GAPVD1: variants seen among roughly 807,000 people sequenced by gnomAD.
The protein encoded by GAPVD1 is GTPase-activating protein and VPS9 domain-containing protein 1.
Under a neutral mutation model 155.5 loss-of-function variants are expected in GAPVD1, and 35 were observed. The ratio of observed to expected loss-of-function variants is 0.23; its 90% CI spans 0.17 to 0.30. The LOEUF is 0.30. Among genes scored for constraint, GAPVD1 ranks in the 10% least tolerant of loss-of-function variants. The probability of loss-of-function intolerance (pLI) is 1.00; values close to 1 mark genes in which losing one functional copy is unlikely to be tolerated. For missense variants in GAPVD1, 1,429 were observed against 1,775.7 expected (o/e 0.80, Z 3.51); for synonymous variants, 636 against 619.7 (o/e 1.03, Z -0.39).
At chr9:125,338,159 G>A (rs1847308131) in intron 17 of GAPVD1, among the ~76,000 whole-genome samples, 1 of 152,226 alleles carries the variant, frequency 6.6e-6, no homozygotes. Context: ...ACAGGCATGA[G>A]CCACCGCACC....
intron 4 of GAPVD1, among the ~76,000 whole-genome samples, chr9:125,299,569 TG>T (rs1226928386): frequency 1.3e-5 from 2 of 149,526 alleles, no homozygotes; most frequent in African/African-American, 4.9e-5. Context: ...GGCAGAGAAT[TG>T]CTTGAACCCG....
intron 2 of GAPVD1, among the ~76,000 whole-genome samples, chr9:125,294,877 A>G (rs1741186903): frequency 6.6e-6 from 1 of 152,062 alleles, no homozygotes; most frequent in Admixed American, 6.6e-5. Context: ...ATAAAGTTCT[A>G]TAAAAACCAA....
At chr9:125,333,308 C>A (rs1846357707) in intron 15 of GAPVD1, among the ~76,000 whole-genome samples, 1 of 151,828 alleles carries the variant, frequency 6.6e-6, no homozygotes, top group East Asian at 1.9e-4. Context: ...TCTCGAACTC[C>A]TGACCTCGTG....
intron 2 of GAPVD1, among the ~76,000 whole-genome samples, chr9:125,269,712 T>C (rs1834573738): frequency 8.7e-6 from 1 of 114,446 alleles, no homozygotes; most frequent in African/African-American, 4.5e-5. Flanking sequence ...ATGCCTGGCT[T>C]TTTTTTTTTT....
Position 125,319,244 on chromosome 9 carries a change from T to C in GAPVD1, c.1603-2189T>C, listed in dbSNP as rs147846343. Among the ~76,000 whole-genome samples, 257 of 151,748 alleles carry C rather than the reference T, an allele frequency of 1.7e-3. 1 individual carries two copies. The highest frequency in any genetic ancestry group is 5.8e-3 in the African/African-American group (240 of 41,476). ...AAAAAATTAGCTGGGCTTGGTGGTGTGTACCTGTAGTCCCAGCTACTCAGG... is the reference window on the plus strand; with the variant it reads ...AAAAAATTAGCTGGGCTTGGTGGTGCGTACCTGTAGTCCCAGCTACTCAGG... On this transcript the variant is annotated intron_variant, in intron 9 of 27. Coordinates refer to ENST00000297933, the MANE Select transcript of GAPVD1 (RefSeq NM_001282680.3).
At chr9:125,350,961 C>A in intron 23 of GAPVD1, 89 bp downstream of exon 23, 1 of 1,054,434 alleles carries the variant, frequency 9.5e-7, no homozygotes, top group Non-Finnish European at 1.4e-6. Context: ...TGAATCTAGG[C>A]TTCCTACAAA....
At chr9:125,299,427 G>A (rs1840407762) in intron 4 of GAPVD1, among the ~76,000 whole-genome samples, 1 of 152,214 alleles carries the variant, frequency 6.6e-6, no homozygotes, top group African/African-American at 2.4e-5. Context: ...GGAGGCCAAG[G>A]CGGGTGGATC....
chr9:125,286,477 T>G (rs1328714388), intron 2 of GAPVD1, among the ~76,000 whole-genome samples: 2 of 149,564 alleles, frequency 1.3e-5, no homozygotes, highest in Non-Finnish European at 3.0e-5. Context: ...AAAGTCTAGT[T>G]TTTTTTTTTT....
chr9:125,324,372 C>T (rs1269318884), intron 11 of GAPVD1, among the ~76,000 whole-genome samples: 3 of 151,764 alleles, frequency 2.0e-5, no homozygotes, highest in Non-Finnish European at 4.4e-5. Context: ...GGGTGGATCA[C>T]CTGAGGTCGG....
intron 11 of GAPVD1, among the ~76,000 whole-genome samples, chr9:125,325,357 C>A (rs1287791798): frequency 6.6e-6 from 1 of 151,504 alleles, no homozygotes; most frequent in African/African-American, 2.4e-5. Context: ...CCTGTCTCTA[C>A]TAAAAATACA....
chr9:125,283,637 A>G (rs1250010548), intron 2 of GAPVD1, among the ~76,000 whole-genome samples: 1 of 152,218 alleles, frequency 6.6e-6, no homozygotes, highest in Middle Eastern at 3.4e-3. Flanking sequence ...TGTTGGGATT[A>G]TAGGTCTGAG....
chr9:125,315,552 T>C (rs1029868144), intron 9 of GAPVD1, among the ~76,000 whole-genome samples: 1 of 152,158 alleles, frequency 6.6e-6, no homozygotes, highest in African/African-American at 2.4e-5. Flanking sequence ...TGGTAGGTCC[T>C]GAAAGATCGT....
chr9:125,340,991 G>A (rs1274301560), intron 17 of GAPVD1, among the ~76,000 whole-genome samples, 186 bp from the exon 18 acceptor site: 1 of 152,186 alleles, frequency 6.6e-6, no homozygotes, highest in Non-Finnish European at 1.5e-5. Context: ...GGCTGATACG[G>A]GGAGGATCGC....
At chr9:125,360,400 AT>A in intron 26 of GAPVD1, 127 bp from the exon 27 acceptor site, 1 of 653,452 alleles carries the variant, frequency 1.5e-6, no homozygotes, top group South Asian at 1.9e-5. Flanking sequence ...GGCCTGCAAT[AT>A]GGTTTTACCA....
In GAPVD1 at chr9:125,337,354, T is replaced by A. The variant is rs1273811300; in HGVS notation, c.2640T>A (p.Thr880=). 2 of 1,614,062 alleles carry A rather than the reference T, an allele frequency of 1.2e-6. No individual in the cohort carries two copies. The highest frequency in any genetic ancestry group is 1.7e-6 in the Non-Finnish European group (2 of 1,180,048). The change falls in exon 17 of 28, where the codon ACT becomes ACA. Residue 880 remains threonine (T), a synonymous_variant. Transcript: ENST00000297933. ...RLPNFGSHVL[T]PAEMEAFKQR... is the part of the protein sequence containing the mutation. Reference sequence around the variant, plus strand: ...CAAACTTTGGTTCCCATGTTTTAACTCCAGCTGAAATGGAGGCATTCAAGC... The same window carrying A: ...CAAACTTTGGTTCCCATGTTTTAACACCAGCTGAAATGGAGGCATTCAAGC...
intron 9 of GAPVD1, among the ~76,000 whole-genome samples, chr9:125,315,053 C>G (rs529100215): frequency 2.0e-4 from 30 of 152,244 alleles, no homozygotes; most frequent in African/African-American, 6.7e-4. Flanking sequence ...TCCCAAAGTG[C>G]TGGGATTACA....
intron 13 of GAPVD1, among the ~76,000 whole-genome samples, chr9:125,330,800 C>T (rs1029881926): frequency 1.3e-5 from 2 of 152,164 alleles, no homozygotes; most frequent in Non-Finnish European, 2.9e-5. Flanking sequence ...TTATCAGAGT[C>T]CGTGTGAATC....
intron 2 of GAPVD1, among the ~76,000 whole-genome samples, chr9:125,271,197 A>G (rs140112186): frequency 6.6e-4 from 100 of 152,248 alleles, no homozygotes; most frequent in Non-Finnish European, 1.2e-3. Context: ...TTGGAAGTGT[A>G]TAAACAGATA....
intron 15 of GAPVD1, chr9:125,335,247 C>A: frequency 1.3e-6 from 1 of 760,826 alleles, no homozygotes. Flanking sequence ...ATCCAGCTGT[C>A]TTCTAGTAAG....
Sources: gnomAD v4.1 joint callset for allele counts (sites outside exome capture counted in the v4.1 genomes callset) on GRCh38, gnomAD v4.1.1 for gene constraint, MANE v1.5 for transcripts, NCBI Gene and HGNC (gene_info 2026-07-23, HGNC 2026-07-21) for gene names.